PDCD6IP: variants seen among roughly 807,000 people sequenced by gnomAD.
PDCD6IP encodes the protein programmed cell death 6 interacting protein.
Under a neutral mutation model 103.7 loss-of-function variants are expected in PDCD6IP, and 43 were observed. The observed-to-expected ratio is 0.41, with a 90% CI of 0.32 to 0.53. The LOEUF is 0.53. Among genes scored for constraint, PDCD6IP ranks in the 20% least tolerant of loss-of-function variants. The probability of loss-of-function intolerance (pLI) is 0.16; values close to 1 mark genes in which losing one functional copy is unlikely to be tolerated. For missense variants in PDCD6IP, 871 were observed against 1,036.7 expected (o/e 0.84, Z 2.20); for synonymous variants, 354 against 378.7 (o/e 0.93, Z 0.76).
intron 1 of PDCD6IP, among the ~76,000 whole-genome samples, chr3:33,801,357 A>G (rs1192770627): frequency 6.6e-6 from 1 of 152,232 alleles, no homozygotes; most frequent in Non-Finnish European, 1.5e-5. Flanking sequence ...ATTCCTAAAT[A>G]ATTGAAGCCA....
At chr3:33,835,858 C>T (rs1158031826) in intron 7 of PDCD6IP, among the ~76,000 whole-genome samples, 186 bp from the exon 8 acceptor site, 2 of 152,064 alleles carry the variant, frequency 1.3e-5, no homozygotes, top group Non-Finnish European at 2.9e-5. Flanking sequence ...ATGTATTATC[C>T]TTCAGTTTTC....
At chr3:33,799,976 C>T (rs1026241406) in intron 1 of PDCD6IP, among the ~76,000 whole-genome samples, 1 of 151,852 alleles carries the variant, frequency 6.6e-6, no homozygotes, top group Non-Finnish European at 1.5e-5. Context: ...ACAAATTAGC[C>T]GGGCGTGGTG....
At chr3:33,847,970 G>C (rs1697629840) in intron 12 of PDCD6IP, among the ~76,000 whole-genome samples, 1 of 150,968 alleles carries the variant, frequency 6.6e-6, no homozygotes, top group African/African-American at 2.5e-5. Context: ...AGTAATGGAG[G>C]GGGTACCTTT....
intron 3 of PDCD6IP, among the ~76,000 whole-genome samples, chr3:33,816,270 G>A (rs561464689): frequency 6.6e-6 from 1 of 152,268 alleles, no homozygotes; most frequent in South Asian, 2.1e-4. Context: ...AGTTTGGGAG[G>A]CCGAGGTGGG....
At chr3:33,862,461 A>G (rs1193247403) in intron 15 of PDCD6IP, among the ~76,000 whole-genome samples, 2 of 152,144 alleles carry the variant, frequency 1.3e-5, no homozygotes, top group African/African-American at 4.8e-5. Flanking sequence ...CATGTATTAC[A>G]TGGAGTGCAT....
Position 33,865,431 on chromosome 3 carries a change from G to A in PDCD6IP, c.2432+1G>A. 6.3e-7 allele frequency: 1 copy of A among 1,579,514 alleles called. No homozygotes were observed. The highest frequency in any genetic ancestry group is 8.6e-7 in the Non-Finnish European group (1 of 1,165,852). On this transcript the variant is annotated splice_donor_variant, in intron 17 of 17. Transcript: ENST00000307296. LOFTEE classifies it high-confidence loss of function. ...ATCCCACCTATCCAGGATATCCTGGGTAAGGCTGCAACATTGTGTATCCCA... is the reference window on the plus strand; with the variant it reads ...ATCCCACCTATCCAGGATATCCTGGATAAGGCTGCAACATTGTGTATCCCA...
At chr3:33,846,020 A>G (rs756907457) in intron 12 of PDCD6IP, among the ~76,000 whole-genome samples, 1 of 152,252 alleles carries the variant, frequency 6.6e-6, no homozygotes, top group South Asian at 2.1e-4. Context: ...TGTGCATGTT[A>G]ATAAATGGAT....
In PDCD6IP at chr3:33,865,276, C is replaced by A; in HGVS notation, c.2278C>A (p.Pro760Thr). 1 of 1,582,088 alleles carries A rather than the reference C, an allele frequency of 6.3e-7. No individual in the cohort carries two copies. The highest frequency in any genetic ancestry group is 8.6e-7 in the Non-Finnish European group (1 of 1,166,424). Residue 760 changes from proline to threonine, a missense_variant, in exon 17 of 18, where the codon CCA becomes ACA. Pro to Thr is a conservative substitution (Grantham distance 38, BLOSUM62 -1). Coordinates refer to ENST00000307296, the MANE Select transcript of PDCD6IP (RefSeq NM_013374.6). ...GCCCCAGCCCCCAGCCAGGCCTCCACCACCTGTGCTTCCAGCAAATCGAGC... is the reference window on the plus strand; with the variant it reads ...GCCCCAGCCCCCAGCCAGGCCTCCAACACCTGTGCTTCCAGCAAATCGAGC... ...TKPQPPARPP[P>T]PVLPANRAPS...
chr3:33,865,198 A>G, intron 16 of PDCD6IP, 45 bp from the exon 17 acceptor site: 1 of 1,336,056 alleles, frequency 7.5e-7, no homozygotes, highest in Non-Finnish European at 1.0e-6. Context: ...GCAATTTGAG[A>G]GAAATATGAA....
intron 3 of PDCD6IP, among the ~76,000 whole-genome samples, chr3:33,816,071 T>G (rs1696843079): frequency 6.6e-6 from 1 of 152,170 alleles, no homozygotes; most frequent in African/African-American, 2.4e-5. Flanking sequence ...GGTGATGTGG[T>G]CCAGTGGTTC....
intron 3 of PDCD6IP, among the ~76,000 whole-genome samples, chr3:33,817,276 A>G (rs373263577): frequency 2.6e-5 from 4 of 152,316 alleles, no homozygotes; most frequent in East Asian, 3.9e-4. Flanking sequence ...AGTGTGGTAT[A>G]GTATCCACTT....
At chr3:33,807,866 C>G (rs1696632295) in intron 1 of PDCD6IP, among the ~76,000 whole-genome samples, 1 of 152,218 alleles carries the variant, frequency 6.6e-6, no homozygotes, top group Non-Finnish European at 1.5e-5. Flanking sequence ...TATCACTGTT[C>G]AGAAAAAGTT....
intron 3 of PDCD6IP, among the ~76,000 whole-genome samples, chr3:33,821,276 C>T (rs1696986472): frequency 6.6e-6 from 1 of 151,732 alleles, no homozygotes; most frequent in Non-Finnish European, 1.5e-5. Context: ...TACTAAAGTG[C>T]TGAGATTACA....
Position 33,798,936 on chromosome 3 carries a change from A to G in PDCD6IP, c.208A>G (p.Arg70Gly). Residue 70 changes from arginine to glycine, a missense_variant and splice_region_variant, in exon 1 of 18, where the codon AGA (arginine) becomes GGA (glycine). Around this residue, in one of 5 missense-constraint regions of PDCD6IP, gnomAD observed 114 missense variants for 106.7 expected, o/e 1.07. Transcript: ENST00000307296. ...CGAGGGCGCGCTCGAGACGCTCCTG[A>G]GGTGGGCGCGGGGCTGGGAGTGGGT... Reference protein sequence around the residue: ...KHEGALETLLRYYDQICSIEP... With the variant: ...KHEGALETLLGYYDQICSIEP... The G allele has an allele frequency of 6.5e-7, 1 of 1,527,256 alleles. No homozygotes were observed. The highest frequency in any genetic ancestry group is 8.9e-7 in the Non-Finnish European group (1 of 1,129,820). 94.6% of individuals were successfully genotyped at this position (1,527,256 alleles called of 1,614,324 possible). A position where few individuals can be genotyped will look rare whatever the true frequency, so the allele number is the denominator to read the frequency against.
intron 12 of PDCD6IP, among the ~76,000 whole-genome samples, chr3:33,851,617 G>A (rs961607298): frequency 6.6e-6 from 1 of 151,912 alleles, no homozygotes; most frequent in African/African-American, 2.4e-5. Flanking sequence ...GACTGCAGGT[G>A]CACACCATTG....
At chr3:33,863,332 T>A (rs1263523449) in intron 15 of PDCD6IP, among the ~76,000 whole-genome samples, 2 of 152,248 alleles carry the variant, frequency 1.3e-5, no homozygotes, top group African/African-American at 4.8e-5. Context: ...AAATTATCAT[T>A]AACTATCATC....
At chr3:33,800,036 T>C (rs1032969408) in intron 1 of PDCD6IP, among the ~76,000 whole-genome samples, 3 of 141,566 alleles carry the variant, frequency 2.1e-5, no homozygotes, top group Non-Finnish European at 4.5e-5. Context: ...AGGAGAATGG[T>C]GTGAACCTGG....
At chr3:33,863,529 G>A (rs937196815) in intron 15 of PDCD6IP, among the ~76,000 whole-genome samples, 2 of 152,024 alleles carry the variant, frequency 1.3e-5, no homozygotes, top group African/African-American at 4.8e-5. Flanking sequence ...GTCTTTCTGT[G>A]CCTGGCTTAT....
chr3:33,852,887 C>A, intron 13 of PDCD6IP, 151 bp downstream of exon 13: 2 of 946,520 alleles, frequency 2.1e-6, no homozygotes, highest in Non-Finnish European at 2.8e-6. Flanking sequence ...TAAAATTAAA[C>A]TTGGCACATC....
Sources: gnomAD v4.1 joint callset for allele counts (sites outside exome capture counted in the v4.1 genomes callset) on GRCh38, gnomAD v4.1.1 for gene constraint, gnomAD v4.1.1 regional missense constraint, MANE v1.5 for transcripts, NCBI Gene and HGNC (gene_info 2026-07-23, HGNC 2026-07-21) for gene names.